MYH11: variants seen among roughly 807,000 people sequenced by gnomAD.
MYH11 encodes myosin-11.
Under a neutral mutation model 246.6 loss-of-function variants are expected in MYH11, and 80 were observed. The observed-to-expected ratio is 0.32, with a 90% confidence interval of 0.27 to 0.39. The LOEUF (loss-of-function observed/expected upper bound fraction) is 0.39, where lower values mean the gene tolerates loss of function less well. Among genes scored for constraint, MYH11 ranks in the 10% least tolerant of loss-of-function variants. The probability of loss-of-function intolerance (pLI) is 1.00; values close to 1 mark genes in which losing one functional copy is unlikely to be tolerated. For synonymous variants in MYH11, 1,071 were observed against 1,015.5 expected (o/e 1.05, Z -1.04); for missense variants, 2,158 against 2,546.8 (o/e 0.85, Z 3.29).
At chr16:15,742,000 C>T in intron 20 of MYH11, 109 bp from the exon 21 acceptor site, 2 of 1,486,618 alleles carry the variant, frequency 1.3e-6, no homozygotes, top group African/African-American at 1.4e-5. Context: ...CCCCACCGAT[C>T]CCCACTAGGG....
Position 15,750,178 on chromosome 16 carries a change from G to T in MYH11, c.2018C>A (p.Pro673His). Reference protein sequence around the residue: ...KLMTTLRNTTPNFVRCIIPNH... With the variant: ...KLMTTLRNTTHNFVRCIIPNH... ...GGGGATGATGCAGCGCACGAAGTTGGGCGTGGTGTTGCGTAGCGTGGTCAT... is the reference window on the plus strand; with the variant it reads ...GGGGATGATGCAGCGCACGAAGTTGTGCGTGGTGTTGCGTAGCGTGGTCAT... Residue 673 changes from proline (P) to histidine (H), a missense_variant, in exon 16 of 41, where the codon CCC becomes CAC. Coordinates refer to ENST00000300036, the MANE Select transcript of MYH11 (RefSeq NM_002474.3). The surrounding 1 kb of genome is among the most constrained non-coding windows in gnomAD (Gnocchi z 4.3). 6.2e-7 allele frequency: 1 copy of T among 1,614,208 alleles called. No individual in the cohort carries two copies. The highest frequency in any genetic ancestry group is 1.7e-5 in the Admixed American group (1 of 60,028).
rs552963788 is a variant in MYH11 at position 15,795,514 on chromosome 16, G to A, written c.530+3146C>T. On this transcript the variant is annotated intron_variant, in intron 4 of 40. Coordinates refer to ENST00000300036, the MANE Select transcript of MYH11 (RefSeq NM_002474.3). ...TTATCCCAGCTACTCGGGAGGCTGA[G>A]GCAGGAGAATCACTTGAACCTGGGA... 4.6e-5 allele frequency among the ~76,000 whole-genome samples: 7 copies of A among 152,312 alleles called. No homozygotes were observed. In the South Asian group the frequency reaches 1.5e-3, roughly 32 times the overall value.
chr16:15,756,456 G>T lies in MYH11; in HGVS notation c.1634C>A (p.Thr545Lys). The T allele has an allele frequency of 6.2e-7, 1 of 1,614,148 alleles. No individual in the cohort carries two copies. Among genetic ancestry groups the T allele is most frequent in the Non-Finnish European group, 8.5e-7 (1 of 1,180,032 alleles). The part of the protein sequence containing the change: ...LDEECWFPKA[T>K]DKSFVEKLCT... The stretch of plus-strand genomic sequence containing the variant: ...CAGCTTCTCCACGAAAGACTTGTCC[G>T]TGGCTTTGGGGAACCAGCATTCCTC... Residue 545 changes from threonine (T) to lysine (K), a missense_variant, in exon 14 of 41, where the codon ACG becomes AAG. By Grantham distance (78) the Thr-to-Lys change is moderately conservative (BLOSUM62 -1). Around this residue, in one of 11 missense-constraint regions of MYH11, gnomAD observed 317 missense variants for 507.7 expected, o/e 0.62. Coordinates refer to ENST00000300036, the MANE Select transcript of MYH11 (RefSeq NM_002474.3).
At chr16:15,836,553 T>A (rs7188366) in intron 2 of MYH11, among the ~76,000 whole-genome samples, 1 of 145,010 alleles carries the variant, frequency 6.9e-6, no homozygotes, top group African/African-American at 2.6e-5. Context: ...GCGCACACCA[T>A]CATGCCCAGC....
At chr16:15,791,069 C>CCT (rs2042597976) in intron 4 of MYH11, 1 of 150,194 alleles carries the variant, frequency 6.7e-6, no homozygotes, top group South Asian at 2.1e-4. Context: ...GATTCTCCTG[C>CCT]CTCAACCTCC....
chr16:15,815,409 A>G (rs991142521), intron 3 of MYH11, among the ~76,000 whole-genome samples: 1 of 152,218 alleles, frequency 6.6e-6, no homozygotes, highest in African/African-American at 2.4e-5. Context: ...ATTTAATAAA[A>G]TATATACCAG....
chr16:15,751,683 G>A (rs573109450), intron 15 of MYH11, among the ~76,000 whole-genome samples: 1 of 149,596 alleles, frequency 6.7e-6, no homozygotes, highest in Non-Finnish European at 1.5e-5. Context: ...CACGATCTTG[G>A]CTCACTGCAA....
chr16:15,809,663 C>T (rs760196590), intron 3 of MYH11, among the ~76,000 whole-genome samples: 8 of 152,178 alleles, frequency 5.3e-5, no homozygotes, highest in Non-Finnish European at 8.8e-5. Flanking sequence ...TGGGTCACGC[C>T]TATAATCCCA....
At chr16:15,722,077 C>G (rs774477271) in intron 31 of MYH11, among the ~76,000 whole-genome samples, 1 of 151,966 alleles carries the variant, frequency 6.6e-6, no homozygotes, top group Non-Finnish European at 1.5e-5. Flanking sequence ...AGGCTGGTCT[C>G]GAACTCCTGA....
intron 26 of MYH11, among the ~76,000 whole-genome samples, chr16:15,734,977 C>T (rs2041071340): frequency 6.6e-6 from 1 of 151,856 alleles, no homozygotes; most frequent in Non-Finnish European, 1.5e-5. Context: ...GCCAGGAGTT[C>T]AAGTCCAGCC....
At chr16:15,779,719 G>C (rs2042302834) in intron 6 of MYH11, among the ~76,000 whole-genome samples, 1 of 152,190 alleles carries the variant, frequency 6.6e-6, no homozygotes, top group African/African-American at 2.4e-5. Context: ...AATGGCTCAT[G>C]TTCCTGGCCC....
intron 38 of MYH11, among the ~76,000 whole-genome samples, chr16:15,715,523 T>A (rs963584254): frequency 6.6e-6 from 1 of 152,244 alleles, no homozygotes; most frequent in African/African-American, 2.4e-5. Context: ...TAGTGTGTGA[T>A]TCCGTTGATA....
At chr16:15,763,257 A>G (rs1398897886) in intron 10 of MYH11, among the ~76,000 whole-genome samples, 1 of 152,180 alleles carries the variant, frequency 6.6e-6, no homozygotes, top group African/African-American at 2.4e-5. Context: ...ACGACCACAG[A>G]TACCGTAAGA....
At position 15,756,533 on chromosome 16, in the gene MYH11, G is replaced by A. The variant is rs750329247; in HGVS notation, c.1576-19C>T. On this transcript the variant is annotated intron_variant, in intron 13 of 40. Coordinates refer to ENST00000300036, the MANE Select transcript of MYH11 (RefSeq NM_002474.3). The stretch of plus-strand genomic sequence containing the variant: ...GGTTGTTCTGTGGGAGACAAGTAGG[G>A]CTTGAATCAGAGAGAACACCCAACC... 2 of 1,614,040 alleles carry A rather than the reference G, an allele frequency of 1.2e-6. No individual in the cohort carries two copies. Among genetic ancestry groups the A allele is most frequent in the East Asian group, 4.5e-5 (2 of 44,874 alleles).
At chr16:15,735,035 C>T (rs1031251232) in intron 26 of MYH11, among the ~76,000 whole-genome samples, 7 of 151,752 alleles carry the variant, frequency 4.6e-5, no homozygotes, top group East Asian at 3.9e-4. Flanking sequence ...AAAAATTAGC[C>T]GGGTGTGGTG....
chr16:15,782,849 A>G (rs1005881551), intron 5 of MYH11: 1 of 226,034 alleles, frequency 4.4e-6, no homozygotes, highest in East Asian at 1.0e-4. Context: ...CCCACTGTAC[A>G]TGGCAGTCGT....
intron 3 of MYH11, among the ~76,000 whole-genome samples, chr16:15,811,809 G>T (rs956723371): frequency 6.6e-6 from 1 of 152,152 alleles, no homozygotes; most frequent in African/African-American, 2.4e-5. Flanking sequence ...ATAAAGGCTG[G>T]CTGTTATTTC....
chr16:15,737,759 A>G (rs988959363), intron 24 of MYH11, 139 bp from the exon 25 acceptor site: 46 of 845,806 alleles, frequency 5.4e-5, no homozygotes, highest in South Asian at 2.1e-4. Context: ...GGTCTGGACC[A>G]TTATCTCCCG....
chr16:15,712,882 G>GTTTTTTTGTTGTTTTTTTTTTTTTTTTTT (rs2039888303), intron 40 of MYH11: 1 of 90,636 alleles, frequency 1.1e-5, no homozygotes, highest in Non-Finnish European at 2.3e-5. Flanking sequence ...TTCACATACA[G>GTTTTTTTGTTGTTTTTTTTTTTTTTTTTT]TTTTTTTTTT....
Sources: gnomAD v4.1 joint callset for allele counts (sites outside exome capture counted in the v4.1 genomes callset) on GRCh38, gnomAD v4.1.1 for gene constraint, gnomAD v4.1.1 regional missense constraint, Gnocchi (gnomAD v3.1) non-coding constraint, MANE v1.5 for transcripts, NCBI Gene and HGNC (gene_info 2026-07-23, HGNC 2026-07-21) for gene names.